Variants in LRRC4C observed in about 807,000 individuals in gnomAD.
The protein encoded by LRRC4C is leucine-rich repeat-containing protein 4C.
Under a neutral mutation model 33.6 loss-of-function variants are expected in LRRC4C, and 5 were observed. The ratio of observed to expected loss-of-function variants is 0.15; its 90% CI spans 0.08 to 0.31. The LOEUF (loss-of-function observed/expected upper bound fraction) is 0.31, where lower values mean the gene tolerates loss of function less well. LRRC4C is among the 10% of genes least tolerant of loss of function. The pLI, the probability that LRRC4C is intolerant of heterozygous loss-of-function variation, is 1.00. For synonymous variants in LRRC4C, 329 were observed against 302.0 expected, an observed-to-expected ratio of 1.09 and a Z score of -0.93; for missense variants, 560 against 796.7, an observed-to-expected ratio of 0.70 and a Z score of 3.58.
chr11:41,248,782 G>GT (rs1481213833), intron 1 of LRRC4C, among the ~76,000 whole-genome samples: 3 of 151,964 alleles, frequency 2.0e-5, no homozygotes, highest in African/African-American at 7.3e-5. Context: ...AAGTTAATAA[G>GT]TATCTTAAAA....
At chr11:41,045,451 G>C (rs1857708453) in intron 1 of LRRC4C, among the ~76,000 whole-genome samples, 1 of 152,098 alleles carries the variant, frequency 6.6e-6, no homozygotes, top group South Asian at 2.1e-4. Flanking sequence ...TAAATGGATA[G>C]AGTCATCCAG....
intron 1 of LRRC4C, among the ~76,000 whole-genome samples, chr11:41,152,533 C>A (rs550119765): frequency 6.6e-6 from 1 of 152,066 alleles, no homozygotes; most frequent in Non-Finnish European, 1.5e-5. Context: ...GGAGAAAGTG[C>A]AGTTTTATGA....
intron 5 of LRRC4C, among the ~76,000 whole-genome samples, chr11:40,198,485 C>T (rs1011044783): frequency 5.3e-5 from 8 of 152,194 alleles, no homozygotes; most frequent in Non-Finnish European, 1.0e-4. Flanking sequence ...TGCAAATATT[C>T]CCAATCTACA....
chr11:40,473,960 A>G (rs1257370928), intron 3 of LRRC4C, among the ~76,000 whole-genome samples: 4 of 152,214 alleles, frequency 2.6e-5, no homozygotes, highest in Non-Finnish European at 4.4e-5. Flanking sequence ...AGAGGACACA[A>G]ACAAACGGAA....
At chr11:41,331,825 A>G (rs1951304643) in intron 1 of LRRC4C, among the ~76,000 whole-genome samples, 1 of 152,176 alleles carries the variant, frequency 6.6e-6, no homozygotes, top group Admixed American at 6.5e-5. Context: ...AAGAAGGGAC[A>G]TCTTTGCTAA....
At chr11:40,864,211 G>C (rs1356893081) in intron 2 of LRRC4C, among the ~76,000 whole-genome samples, 1 of 152,032 alleles carries the variant, frequency 6.6e-6, no homozygotes, top group South Asian at 2.1e-4. Context: ...TGGGACTACA[G>C]GTGTGTGCCA....
At chr11:41,341,021 G>A (rs772500845) in intron 1 of LRRC4C, among the ~76,000 whole-genome samples, 3 of 151,340 alleles carry the variant, frequency 2.0e-5, no homozygotes, top group African/African-American at 7.2e-5. Context: ...GTGCTTGCAC[G>A]AAGAAGAAAT....
At chr11:40,270,845 T>A (rs1436567157) in intron 4 of LRRC4C, among the ~76,000 whole-genome samples, 1 of 152,200 alleles carries the variant, frequency 6.6e-6, no homozygotes, top group Non-Finnish European at 1.5e-5. Flanking sequence ...TTAGGCAGAA[T>A]GACATTGAGA....
At position 40,572,037 on chromosome 11, in the gene LRRC4C, C is replaced by T. The variant is rs574512804; in HGVS notation, c.-270+76105G>A. Among the ~76,000 whole-genome samples the T allele has an allele frequency of 3.3e-5, 5 of 152,264 alleles. No homozygotes were observed. In the South Asian group the frequency reaches 8.3e-4, roughly 25 times the overall value. On this transcript the variant is annotated intron_variant, in intron 3 of 6. Transcript: ENST00000528697. ...GGTTTCCGTATTCCTTCCTTATAGT[C>T]CACCACTCCATATTTTCCTCTTTAA...
At chr11:40,357,313 G>A (rs1269612406) in intron 3 of LRRC4C, among the ~76,000 whole-genome samples, 1 of 152,150 alleles carries the variant, frequency 6.6e-6, no homozygotes. Flanking sequence ...GACTGGAGGA[G>A]AACAGGGGCG....
At chr11:41,210,818 G>A (rs577397447) in intron 1 of LRRC4C, among the ~76,000 whole-genome samples, 1 of 152,258 alleles carries the variant, frequency 6.6e-6, no homozygotes, top group African/African-American at 2.4e-5. Flanking sequence ...TTTGGTACCA[G>A]GGACTGATTT....
At chr11:40,473,774 T>C (rs1325659717) in intron 3 of LRRC4C, among the ~76,000 whole-genome samples, 1 of 152,146 alleles carries the variant, frequency 6.6e-6, no homozygotes, top group African/African-American at 2.4e-5. Context: ...GCAAAATCAA[T>C]GGACAAAAAT....
chr11:40,594,343 T>G (rs1959175897), intron 3 of LRRC4C, among the ~76,000 whole-genome samples: 1 of 152,172 alleles, frequency 6.6e-6, no homozygotes, highest in Non-Finnish European at 1.5e-5. Flanking sequence ...TTATTCTTAT[T>G]TTATAGATGA....
intron 1 of LRRC4C, among the ~76,000 whole-genome samples, chr11:41,068,502 T>A (rs2135408988): frequency 6.6e-6 from 1 of 151,264 alleles, no homozygotes; most frequent in Non-Finnish European, 1.5e-5. Context: ...GAGAAAAGAA[T>A]CAAATAGACA....
intron 3 of LRRC4C, among the ~76,000 whole-genome samples, chr11:40,638,847 G>A (rs1038710830): frequency 1.3e-5 from 2 of 151,286 alleles, no homozygotes; most frequent in Non-Finnish European, 2.9e-5. Context: ...TGAGGAATTG[G>A]AAGGATTTTG....
At chr11:41,423,623 C>G (rs1954943794) in intron 1 of LRRC4C, among the ~76,000 whole-genome samples, 1 of 151,980 alleles carries the variant, frequency 6.6e-6, no homozygotes, top group Admixed American at 6.6e-5. Context: ...GAAGCAGTAA[C>G]TTCAATTAAG....
Position 40,735,140 on chromosome 11 carries a change from T to G in LRRC4C, c.-406-86862A>C, listed in dbSNP as rs984967661. 1.3e-4 allele frequency among the ~76,000 whole-genome samples: 20 copies of G among 152,258 alleles called. 1 individual carries two copies. The highest frequency in any genetic ancestry group is 4.3e-4 in the African/African-American group (18 of 41,566). ...CCTAGAATTACATAATTAGCTTCTC[T>G]TTTTCGTTTTATTCATTTATTTATT... is the stretch of plus-strand genomic sequence containing the variant. On this transcript the variant is annotated intron_variant, in intron 2 of 6. Transcript: ENST00000528697.
intron 1 of LRRC4C, among the ~76,000 whole-genome samples, chr11:40,937,154 G>A (rs1957940147): frequency 6.6e-6 from 1 of 152,150 alleles, no homozygotes; most frequent in Non-Finnish European, 1.5e-5. Context: ...ATAAAATCAT[G>A]TCCTTTGCAG....
chr11:40,197,749 G>C (rs573975147), intron 5 of LRRC4C, among the ~76,000 whole-genome samples: 1 of 152,246 alleles, frequency 6.6e-6, no homozygotes, highest in African/African-American at 2.4e-5. Context: ...GACTATGCTA[G>C]GAGAGTATGT....
Sources: allele counts gnomAD v4.1 joint callset (sites outside exome capture counted in the v4.1 genomes callset), GRCh38; gene constraint gnomAD v4.1.1; transcripts MANE v1.5; gene names NCBI Gene and HGNC (gene_info 2026-07-23, HGNC 2026-07-21).